Variants in IGF2R observed in about 807,000 individuals in gnomAD.
IGF2R encodes the protein insulin like growth factor 2 receptor.
Under a neutral mutation model 270.6 loss-of-function variants are expected in IGF2R, and 91 were observed. That is an observed-to-expected ratio of 0.34 (90% CI 0.28 to 0.40). The LOEUF (loss-of-function observed/expected upper bound fraction) is 0.40. Ranked by LOEUF, IGF2R falls within the 10% of genes least tolerant of loss-of-function variation. The pLI, the probability that IGF2R is intolerant of heterozygous loss-of-function variation, is 1.00. For synonymous variants in IGF2R, 1,316 were observed against 1,258.9 expected, an observed-to-expected ratio of 1.05 and a Z score of -0.96; for missense variants, 2,805 against 3,188.3, an observed-to-expected ratio of 0.88 and a Z score of 2.90.
intron 39 of IGF2R, among the ~76,000 whole-genome samples, chr6:160,083,213 G>A (rs1401558103): frequency 6.6e-6 from 1 of 152,202 alleles, no homozygotes; most frequent in Non-Finnish European, 1.5e-5. Flanking sequence ...AAGTTTAAGG[G>A]ATGGTACTAT....
chr6:160,011,242 G>A (rs890868600), intron 4 of IGF2R, among the ~76,000 whole-genome samples: 2 of 152,092 alleles, frequency 1.3e-5, no homozygotes, highest in African/African-American at 2.4e-5. Flanking sequence ...AAATCTCTCT[G>A]TCCCTCTCCT....
Position 160,023,460 on chromosome 6 carries a change from GTGA to G in IGF2R, c.514-1104_514-1102del, listed in dbSNP as rs751342836. On this transcript the variant is annotated intron_variant, in intron 4 of 47. Transcript: ENST00000356956. ...ATTTGAGATGGTTTTGTGTATCCAA[GTGA>G]TGATGATAAACAACAGCAATAAATA... is the stretch of plus-strand genomic sequence containing the variant. 2.6e-5 allele frequency among the ~76,000 whole-genome samples: 4 copies of G among 152,152 alleles called. No individual in the cohort carries two copies. The East Asian group carries it at 5.8e-4, about 22-fold the overall frequency.
Position 160,108,681 on chromosome 6 carries a change from TTTTCTTTCTCTC to T in IGF2R, c.*3606_*3617del, listed in dbSNP as rs983920550. On this transcript the variant is annotated 3_prime_UTR_variant, in exon 48 of 48. Transcript: ENST00000356956. ...TTTCTTTCCTTTTCTCTCTCTCTCT[TTTTCTTTCTCTC>T]TTTCTTTCGAGATGGAGTCTCGCTC... The T allele has an allele frequency of 6.6e-6, 1 of 152,184 alleles. No individual in the cohort carries two copies. The highest frequency in any genetic ancestry group is 1.5e-5 in the Non-Finnish European group (1 of 68,082). The allele number at this position is 152,184 out of a possible 1,614,324, so 9.4% of individuals were successfully genotyped here.
Position 159,974,034 on chromosome 6 carries a change from G to T in IGF2R, c.149+4639G>T, listed in dbSNP as rs574709457. 1.0e-3 allele frequency among the ~76,000 whole-genome samples: 155 copies of T among 152,328 alleles called. 2 individuals are homozygous for T. The highest frequency in any genetic ancestry group is 3.7e-3 in the South Asian group (18 of 4,826). ...CTGGTCATGAATGGTGTATGAGGAG[G>T]TGGGCGTAGCAGCTGTTTGACTTCA... On this transcript the variant is annotated intron_variant, in intron 1 of 47. Transcript: ENST00000356956.
intron 2 of IGF2R, among the ~76,000 whole-genome samples, chr6:159,997,048 A>G (rs778123426): frequency 1.4e-4 from 21 of 152,326 alleles, no homozygotes; most frequent in Non-Finnish European, 2.5e-4. Flanking sequence ...ATCCGTGCCC[A>G]AGCACTGAGA....
chr6:160,096,661 C>G, intron 45 of IGF2R, 36 bp downstream of exon 45: 2 of 1,501,378 alleles, frequency 1.3e-6, no homozygotes, highest in South Asian at 1.2e-5. Flanking sequence ...CACTTGTACC[C>G]CACATCTTCC....
chr6:160,006,283 C>G (rs1280498151), intron 2 of IGF2R: 1 of 154,856 alleles, frequency 6.5e-6, no homozygotes, highest in Non-Finnish European at 1.4e-5. Flanking sequence ...CATGCGCCTT[C>G]CGCGTCTCCA....
chr6:160,093,561 A>G (rs1779279432), intron 44 of IGF2R: 1 of 651,422 alleles, frequency 1.5e-6, no homozygotes, highest in African/African-American at 1.8e-5. Context: ...GACGATTTCC[A>G]GGGGATTCCA....
Position 160,024,565 on chromosome 6 carries a change from C to G in IGF2R, c.514-7C>G, listed in dbSNP as rs1305249759. ...TGAAGACTCACTTTTTTCTTCCTCCCTTCCAGGTGCCATGCTATGTGTTTG... is the reference window on the plus strand; with the variant it reads ...TGAAGACTCACTTTTTTCTTCCTCCGTTCCAGGTGCCATGCTATGTGTTTG... On this transcript the variant is annotated splice_polypyrimidine_tract_variant and splice_region_variant and intron_variant, in intron 4 of 47. Coordinates refer to ENST00000356956, the MANE Select transcript of IGF2R (RefSeq NM_000876.4). 6.2e-7 allele frequency: 1 copy of G among 1,613,178 alleles called. No individual in the cohort carries two copies. Among genetic ancestry groups the G allele is most frequent in the African/African-American group, 1.3e-5 (1 of 74,946 alleles).
chr6:159,985,685 G>C (rs1438684472), intron 1 of IGF2R, among the ~76,000 whole-genome samples: 2 of 152,134 alleles, frequency 1.3e-5, no homozygotes, highest in African/African-American at 2.4e-5. Context: ...GAAGTGCCAT[G>C]GCAGCTAGTG....
chr6:160,096,171 A>G (rs1779352080), intron 44 of IGF2R: 1 of 336,368 alleles, frequency 3.0e-6, no homozygotes, highest in Non-Finnish European at 5.4e-6. Context: ...TTATTGTTCC[A>G]TTAAAATTGT....
At chr6:160,007,579 C>T (rs570889858) in intron 2 of IGF2R, 2 of 152,052 alleles carry the variant, frequency 1.3e-5, no homozygotes, top group Admixed American at 6.5e-5. Context: ...AGAATTTTTT[C>T]TTTTCATTGG....
In IGF2R at chr6:159,969,608, G is replaced by C. The variant is rs1350661917; in HGVS notation, c.149+213G>C. On this transcript the variant is annotated intron_variant, in intron 1 of 47. Coordinates refer to ENST00000356956, the MANE Select transcript of IGF2R (RefSeq NM_000876.4). ...AGGCGGGGGGCGCGGGGGCACACGCGGTCGTGGCGGTCCTGGAGCCCCGCG... is the reference window on the plus strand; with the variant it reads ...AGGCGGGGGGCGCGGGGGCACACGCCGTCGTGGCGGTCCTGGAGCCCCGCG... Among the ~76,000 whole-genome samples the C allele has an allele frequency of 2.6e-5, 4 of 152,242 alleles. No individual in the cohort carries two copies. In the South Asian group the frequency reaches 8.3e-4, roughly 32 times the overall value.
In IGF2R at chr6:159,969,388, C is replaced by G. The variant is rs1783572648; in HGVS notation, c.142C>G (p.Leu48Val). The G allele has an allele frequency of 2.4e-6, 3 of 1,260,798 alleles. No homozygotes were observed. In the East Asian group the frequency reaches 9.8e-5, roughly 41 times the overall value. The allele number at this position is 1,260,798 out of a possible 1,614,324, so 78.1% of individuals were successfully genotyped here. ...TQAQAAPFPE[L>V]CSYTWEAVDT... Reference sequence around the variant, plus strand: ...GGCCCAGGCCGCCCCGTTCCCCGAGCTGTGCAGGTGGGTGGCCCGCCCGGA... The same window carrying G: ...GGCCCAGGCCGCCCCGTTCCCCGAGGTGTGCAGGTGGGTGGCCCGCCCGGA... The change falls in exon 1 of 48, where the codon CTG becomes GTG. Residue 48 changes from leucine to valine, a missense_variant. Leu to Val is a conservative substitution (Grantham distance 32). Transcript: ENST00000356956.
In IGF2R at chr6:160,080,288, G is replaced by A. The variant is rs746970860; in HGVS notation, c.5833+13G>A. 1.9e-6 allele frequency: 3 copies of A among 1,610,554 alleles called. No individual in the cohort carries two copies. The African/African-American group carries it at 4.0e-5, about 22-fold the overall frequency. On this transcript the variant is annotated intron_variant, in intron 39 of 47. Coordinates refer to ENST00000356956, the MANE Select transcript of IGF2R (RefSeq NM_000876.4). Reference sequence around the variant, plus strand: ...TTCTGCAGACACTGTGAGTAGGACGGCTCCGCGTCCCCACATGGCCTGGGG... The same window carrying A: ...TTCTGCAGACACTGTGAGTAGGACGACTCCGCGTCCCCACATGGCCTGGGG...
Position 160,063,525 on chromosome 6 carries a change from G to C in IGF2R, c.3781G>C (p.Val1261Leu). The stretch of plus-strand genomic sequence containing the variant: ...TGGCGAATACACTTATTACTTCCGG[G>C]TCTGTGGGAAGCTTTCCTCAGACGT... Reference protein sequence around the residue: ...SAGEYTYYFRVCGKLSSDVCP... With the variant: ...SAGEYTYYFRLCGKLSSDVCP... Residue 1261 changes from valine (V) to leucine (L), a missense_variant, in exon 27 of 48, where the codon GTC becomes CTC. By Grantham distance (32) the Val-to-Leu change is conservative. This residue lies in a region of IGF2R where 1,851 missense variants were observed against 2,207.2 expected (regional missense o/e 0.84). Coordinates refer to ENST00000356956, the MANE Select transcript of IGF2R (RefSeq NM_000876.4). 1 of 1,614,194 alleles carries C rather than the reference G, an allele frequency of 6.2e-7. No homozygotes were observed. Among genetic ancestry groups the C allele is most frequent in the Non-Finnish European group, 8.5e-7 (1 of 1,180,028 alleles).
chr6:159,969,257 C>T lies in IGF2R; in HGVS notation c.11C>T (p.Ala4Val). ...TCCGGGCCCGGCGCGATGGGGGCCG[C>T]CGCCGGCCGGAGCCCCCACCTGGGG... MGA[A>V]AGRSPHLGPA... is the part of the protein sequence containing the mutation. Residue 4 changes from alanine to valine, a missense_variant, in exon 1 of 48, where the codon GCC becomes GTC. This residue lies in a region of IGF2R where 954 missense variants were observed against 981.1 expected (regional missense o/e 0.97). Coordinates refer to ENST00000356956, the MANE Select transcript of IGF2R (RefSeq NM_000876.4). The T allele has an allele frequency of 2.8e-6, 3 of 1,068,298 alleles. No homozygotes were observed. The highest frequency in any genetic ancestry group is 4.2e-4 in the Middle Eastern group (1 of 2,370). 66.2% of individuals were successfully genotyped at this position (1,068,298 alleles called of 1,614,324 possible).
chr6:160,060,825 G>A (rs1051439007), intron 23 of IGF2R, 108 bp downstream of exon 23: 8 of 1,035,394 alleles, frequency 7.7e-6, no homozygotes, highest in East Asian at 2.5e-5. Context: ...TGTGTGTGGT[G>A]TGTATGCTTG....
intron 12 of IGF2R, among the ~76,000 whole-genome samples, chr6:160,044,253 C>T (rs1480100489): frequency 1.3e-5 from 2 of 152,212 alleles, no homozygotes; most frequent in Non-Finnish European, 2.9e-5. Context: ...GTGCATCCTT[C>T]ATGGCGCTTT....
Sources: allele counts gnomAD v4.1 joint callset (sites outside exome capture counted in the v4.1 genomes callset), GRCh38; gene constraint gnomAD v4.1.1; regional missense constraint gnomAD v4.1.1; transcripts MANE v1.5; gene names NCBI Gene and HGNC (gene_info 2026-07-23, HGNC 2026-07-21).